Variants in OGDH observed in about 807,000 individuals in gnomAD.
OGDH encodes 2-oxoglutarate dehydrogenase complex component E1.
Under a neutral mutation model 116.6 loss-of-function variants are expected in OGDH, and 38 were observed. That is an observed-to-expected ratio of 0.33 (90% CI 0.25 to 0.43). The LOEUF is 0.43. Ranked by LOEUF, OGDH falls within the 20% of genes least tolerant of loss-of-function variation. The pLI is 1.00. For missense variants in OGDH, 825 were observed against 1,357.2 expected (o/e 0.61, Z 6.16); for synonymous variants, 488 against 533.3 (o/e 0.92, Z 1.17).
chr7:44,656,874 C>T lies in OGDH; in HGVS notation c.517+9115C>T, dbSNP rs1786713620. On this transcript the variant is annotated intron_variant, in intron 4 of 22. Transcript: ENST00000222673. ...AACTTACTGAGAACTCTTAGTGACC[C>T]TCGGTTGGGCAAAACACATTTGAGG... Among the ~76,000 whole-genome samples, 3 of 152,278 alleles carry T rather than the reference C, an allele frequency of 2.0e-5. No homozygotes were observed. The South Asian group carries it at 6.2e-4, about 32-fold the overall frequency.
At chr7:44,619,978 A>T (rs1784946670) in intron 1 of OGDH, among the ~76,000 whole-genome samples, 1 of 152,000 alleles carries the variant, frequency 6.6e-6, no homozygotes, top group Non-Finnish European at 1.5e-5. Context: ...TCTCCCATCT[A>T]TATCATTTCT....
Position 44,697,290 on chromosome 7 carries a change from C to T in OGDH, c.2052-80C>T, listed in dbSNP as rs1195606925. ...TCCAGGTCACAGAGCATGGCATCTG[C>T]TGGTGCTTCGTGCGGGTCCCCAGCG... is the stretch of plus-strand genomic sequence containing the variant. On this transcript the variant is annotated intron_variant, in intron 15 of 22. Transcript: ENST00000222673. The surrounding 1 kb of genome is among the most constrained non-coding windows in gnomAD (Gnocchi z 6.0). The T allele has an allele frequency of 6.3e-6, 10 of 1,577,688 alleles. No individual in the cohort carries two copies. In the East Asian group the frequency reaches 1.8e-4, roughly 28 times the overall value.
At chr7:44,652,150 C>A (rs1317682351) in intron 4 of OGDH, among the ~76,000 whole-genome samples, 3 of 151,704 alleles carry the variant, frequency 2.0e-5, no homozygotes, top group Non-Finnish European at 4.4e-5. Flanking sequence ...CTCTTGTTGC[C>A]CAGGCTGGAG....
At chr7:44,606,689 CG>C (rs1246272328) in intron 1 of OGDH, 36 bp downstream of exon 1, 1 of 152,318 alleles carries the variant, frequency 6.6e-6, no homozygotes, top group African/African-American at 2.4e-5. Context: ...GTCCCAGTGC[CG>C]GGTGTCGCGG....
chr7:44,660,406 T>C (rs1156274625), intron 4 of OGDH, among the ~76,000 whole-genome samples: 1 of 152,102 alleles, frequency 6.6e-6, no homozygotes, highest in East Asian at 1.9e-4. Flanking sequence ...TTTAGAAGGG[T>C]GTTATTTAGT....
chr7:44,689,175 T>G (rs180962865), intron 10 of OGDH, among the ~76,000 whole-genome samples: 4 of 151,918 alleles, frequency 2.6e-5, no homozygotes, highest in African/African-American at 7.2e-5. Context: ...GCTGTGCCAT[T>G]TTTACATTCC....
rs910503224 is a variant in OGDH at position 44,631,867 on chromosome 7, C to T, written c.222+7302C>T. 7.3e-5 allele frequency among the ~76,000 whole-genome samples: 11 copies of T among 151,496 alleles called. No individual in the cohort carries two copies. The South Asian group carries it at 8.4e-4, about 12-fold the overall frequency. ...TTTCCTTTCTCTCTCCTCTCTCTCC[C>T]GGCCCTTAAAAAGAAAAATAAATAA... On this transcript the variant is annotated intron_variant, in intron 2 of 22. Transcript: ENST00000222673.
intron 5 of OGDH, among the ~76,000 whole-genome samples, chr7:44,673,016 G>A (rs543270448): frequency 8.6e-5 from 13 of 151,976 alleles, no homozygotes; most frequent in Non-Finnish European, 1.3e-4. Context: ...CCTCCCTGCC[G>A]AGCTCTGCAG....
intron 2 of OGDH, among the ~76,000 whole-genome samples, chr7:44,634,802 A>T (rs1785591765): frequency 6.6e-6 from 1 of 152,134 alleles, no homozygotes; most frequent in African/African-American, 2.4e-5. Context: ...GCCTGCATTG[A>T]TGGAGGGTCC....
intron 3 of OGDH, among the ~76,000 whole-genome samples, chr7:44,646,142 A>G (rs916641673): frequency 6.6e-6 from 1 of 152,146 alleles, no homozygotes; most frequent in Non-Finnish European, 1.5e-5. Flanking sequence ...TAGGATGTCC[A>G]CCTGATACAT....
At chr7:44,629,858 G>T (rs1785361644) in intron 2 of OGDH, among the ~76,000 whole-genome samples, 1 of 152,304 alleles carries the variant, frequency 6.6e-6, no homozygotes, top group African/African-American at 2.4e-5. Context: ...GGGATTATGG[G>T]CGTGAGCCAT....
chr7:44,661,041 A>G (rs1786916730), intron 4 of OGDH, among the ~76,000 whole-genome samples: 1 of 152,096 alleles, frequency 6.6e-6, no homozygotes, highest in Non-Finnish European at 1.5e-5. Flanking sequence ...TTATTGAGAG[A>G]GGGGTATTAA....
At chr7:44,625,766 C>CAGA (rs1785178207) in intron 2 of OGDH, among the ~76,000 whole-genome samples, 1 of 152,132 alleles carries the variant, frequency 6.6e-6, no homozygotes, top group African/African-American at 2.4e-5. Context: ...CCACTGGGCT[C>CAGA]CTGTAAACAA....
chr7:44,635,450 G>A (rs534524231), intron 2 of OGDH, among the ~76,000 whole-genome samples: 12 of 152,082 alleles, frequency 7.9e-5, no homozygotes, highest in African/African-American at 2.2e-4. Context: ...CCCGCGCCGC[G>A]GATTATTTAG....
chr7:44,651,718 TG>T (rs1786452817), intron 4 of OGDH, among the ~76,000 whole-genome samples: 1 of 151,720 alleles, frequency 6.6e-6, no homozygotes, highest in East Asian at 1.9e-4. Flanking sequence ...CCCATCATCA[TG>T]TCCAGCTAAT....
chr7:44,706,416 G>A (rs1394516146), intron 20 of OGDH, among the ~76,000 whole-genome samples: 1 of 151,528 alleles, frequency 6.6e-6, no homozygotes, highest in Non-Finnish European at 1.5e-5. Context: ...CCGCCTCCCG[G>A]GTTCAAGCAA....
At chr7:44,682,874 C>T (rs532252035) in intron 10 of OGDH, among the ~76,000 whole-genome samples, 206 of 151,272 alleles carry the variant, frequency 1.4e-3, no homozygotes, top group African/African-American at 4.2e-3. Context: ...ATAGGCTGGG[C>T]GTGGTGGCTC....
intron 10 of OGDH, among the ~76,000 whole-genome samples, chr7:44,688,411 T>C (rs1788224327): frequency 6.7e-6 from 1 of 148,966 alleles, no homozygotes; most frequent in Admixed American, 6.9e-5. Context: ...TGAACATTTA[T>C]GTACAAGTGT....
At chr7:44,648,408 T>C (rs1019195212) in intron 4 of OGDH, among the ~76,000 whole-genome samples, 11 of 152,036 alleles carry the variant, frequency 7.2e-5, no homozygotes, top group African/African-American at 2.4e-4. Flanking sequence ...CCTCATGAAG[T>C]GAGGTGGGTG....
Sources: allele counts gnomAD v4.1 joint callset (sites outside exome capture counted in the v4.1 genomes callset), GRCh38; gene constraint gnomAD v4.1.1; non-coding constraint Gnocchi (gnomAD v3.1); transcripts MANE v1.5; gene names NCBI Gene and HGNC (gene_info 2026-07-23, HGNC 2026-07-21).